KANSL1L: variants seen among roughly 807,000 people sequenced by gnomAD.
KANSL1L encodes the protein KAT8 regulatory NSL complex subunit 1-like protein.
Under a neutral mutation model 108.6 loss-of-function variants are expected in KANSL1L, and 25 were observed. The observed-to-expected ratio is 0.23, with a 90% CI of 0.17 to 0.32. The LOEUF (loss-of-function observed/expected upper bound fraction) is 0.32. KANSL1L is among the 10% of genes least tolerant of loss of function. The probability of loss-of-function intolerance (pLI) is 1.00; values close to 1 mark genes in which losing one functional copy is unlikely to be tolerated. For synonymous variants in KANSL1L, 405 were observed against 395.1 expected (o/e 1.03, Z -0.30); for missense variants, 1,137 against 1,125.7 (o/e 1.01, Z -0.14).
chr2:210,037,258 G>C (rs1449309665), intron 8 of KANSL1L, among the ~76,000 whole-genome samples: 1 of 151,878 alleles, frequency 6.6e-6, no homozygotes, highest in Non-Finnish European at 1.5e-5. Flanking sequence ...TTTTTCAGAT[G>C]GTTATATAAC....
chr2:210,089,918 G>T (rs974962689), intron 5 of KANSL1L, among the ~76,000 whole-genome samples: 1 of 152,128 alleles, frequency 6.6e-6, no homozygotes, highest in Admixed American at 6.5e-5. Flanking sequence ...ACTGTATAAT[G>T]AATGTCTTTA....
chr2:210,075,662 TCA>T lies in KANSL1L; in HGVS notation c.1643_1644del (p.Leu548GlnfsTer63). The T allele has an allele frequency of 6.2e-7, 1 of 1,613,908 alleles. No individual in the cohort carries two copies. Among genetic ancestry groups the T allele is most frequent in the Non-Finnish European group, 8.5e-7 (1 of 1,179,812 alleles). On this transcript the variant is annotated frameshift_variant, in exon 6 of 15. Transcript: ENST00000281772. LOFTEE classifies it high-confidence loss of function. Reference protein sequence around the residue: ...SKKKRKDRTRLKSSSLTFMST... With the variant: ...SKKKRKDRTRXKSSSLTFMST... ...CTCATGAAAGTCAAGGATGAAGATT[TCA>T]GTCTTGTCCTGTCTTTTCTCTTTTT...
At chr2:210,058,928 T>C (rs1453818753) in intron 6 of KANSL1L, among the ~76,000 whole-genome samples, 2 of 151,590 alleles carry the variant, frequency 1.3e-5, no homozygotes, top group Non-Finnish European at 1.5e-5. Flanking sequence ...GACACCCAGC[T>C]TTAAAATTTC....
At position 210,022,620 on chromosome 2, in the gene KANSL1L, A is replaced by ATATATG. The variant is rs940365354; in HGVS notation, c.*328_*329insCATATA. The ATATATG allele has an allele frequency of 1.9e-5, 5 of 269,148 alleles. No individual in the cohort carries two copies. 16.7% of individuals were successfully genotyped at this position (269,148 alleles called of 1,614,324 possible). A position where few individuals can be genotyped will look rare whatever the true frequency, so the allele number is the denominator to read the frequency against. ...CAGGTTTGTATGTATGTGTATATAT[A>ATATATG]TATGTATGTATGTATGGTGTGGGTA... On this transcript the variant is annotated 3_prime_UTR_variant, in exon 15 of 15. Coordinates refer to ENST00000281772, the MANE Select transcript of KANSL1L (RefSeq NM_152519.4).
chr2:210,119,665 T>C (rs1249831631), intron 3 of KANSL1L, among the ~76,000 whole-genome samples: 1 of 152,082 alleles, frequency 6.6e-6, no homozygotes, highest in Non-Finnish European at 1.5e-5. Context: ...CTTCAATAAA[T>C]TGGGTATAAA....
chr2:210,091,583 G>A (rs2094693385), intron 5 of KANSL1L, among the ~76,000 whole-genome samples: 1 of 152,022 alleles, frequency 6.6e-6, no homozygotes, highest in South Asian at 2.1e-4. Context: ...ACTTAATTTA[G>A]GAATAATGAA....
chr2:210,082,558 T>C (rs547469666), intron 5 of KANSL1L, among the ~76,000 whole-genome samples: 122 of 152,278 alleles, frequency 8.0e-4, no homozygotes, highest in Middle Eastern at 3.4e-3. Flanking sequence ...TATGGAAAAA[T>C]AGACGAATAC....
At chr2:210,087,325 T>C (rs965544600) in intron 5 of KANSL1L, among the ~76,000 whole-genome samples, 1 of 152,184 alleles carries the variant, frequency 6.6e-6, no homozygotes, top group African/African-American at 2.4e-5. Flanking sequence ...GGCCATCCTC[T>C]TGTTGCTTTT....
intron 2 of KANSL1L, among the ~76,000 whole-genome samples, chr2:210,147,889 C>G (rs115360970): frequency 6.6e-6 from 1 of 152,092 alleles, no homozygotes; most frequent in African/African-American, 2.4e-5. Context: ...TTTCCATTGG[C>G]AAAGCAGGAA....
rs866334299 is a variant in KANSL1L at position 210,153,844 on chromosome 2, T to C, written c.739A>G (p.Met247Val). The change falls in exon 2 of 15, where the codon ATG becomes GTG. Residue 247 changes from methionine (M) to valine (V), a missense_variant. By Grantham distance (21) the Met-to-Val change is conservative. Coordinates refer to ENST00000281772, the MANE Select transcript of KANSL1L (RefSeq NM_152519.4). Reference protein sequence around the residue: ...QARRTQKHLQMLLAKHVVKHY... With the variant: ...QARRTQKHLQVLLAKHVVKHY... ...TTAACAACATGCTTTGCCAGGAGCA[T>C]CTGCAAATGTTTCTGAGTTCTTCTA... is the stretch of plus-strand genomic sequence containing the variant. 1 of 1,612,440 alleles carries C rather than the reference T, an allele frequency of 6.2e-7. No homozygotes were observed. The highest frequency in any genetic ancestry group is 1.3e-5 in the African/African-American group (1 of 74,806).
At chr2:210,123,694 A>G (rs1387993294) in intron 3 of KANSL1L, among the ~76,000 whole-genome samples, 1 of 152,164 alleles carries the variant, frequency 6.6e-6, no homozygotes, top group African/African-American at 2.4e-5. Context: ...TATAACACAA[A>G]GAAAGAATAA....
chr2:210,026,989 T>C (rs2093947245), intron 12 of KANSL1L, among the ~76,000 whole-genome samples: 1 of 152,184 alleles, frequency 6.6e-6, no homozygotes, highest in Admixed American at 6.5e-5. Flanking sequence ...GCTAGGATGG[T>C]CTCCATCTCC....
At chr2:210,047,934 A>G (rs1051792713) in intron 6 of KANSL1L, among the ~76,000 whole-genome samples, 1 of 152,246 alleles carries the variant, frequency 6.6e-6, no homozygotes, top group Admixed American at 6.5e-5. Flanking sequence ...TGATTCATAC[A>G]TATGATTTGC....
intron 6 of KANSL1L, among the ~76,000 whole-genome samples, chr2:210,049,962 G>T (rs1002975421): frequency 6.6e-6 from 1 of 152,194 alleles, no homozygotes; most frequent in Non-Finnish European, 1.5e-5. Context: ...CTACCAGTTT[G>T]TTGCATGGTG....
rs907763850 is a variant in KANSL1L, at chr2:210,022,616, ATATATATG to A, written c.*325_*332del. ...CACACAGGTTTGTATGTATGTGTAT[ATATATATG>A]TATGTATGTATGGTGTGGGTACATA... On this transcript the variant is annotated 3_prime_UTR_variant, in exon 15 of 15. Transcript: ENST00000281772. 3.9e-6 allele frequency: 1 copy of A among 259,178 alleles called. No individual in the cohort carries two copies. Among genetic ancestry groups the A allele is most frequent in the African/African-American group, 2.3e-5 (1 of 44,224 alleles). 16.1% of individuals were successfully genotyped at this position (259,178 alleles called of 1,614,324 possible).
chr2:210,051,967 CTATTT>C (rs1374359099), intron 6 of KANSL1L, among the ~76,000 whole-genome samples: 1 of 146,926 alleles, frequency 6.8e-6, no homozygotes, highest in Non-Finnish European at 1.5e-5. Flanking sequence ...TTAATTATAG[CTATTT>C]TATTTTAAAT....
intron 2 of KANSL1L, among the ~76,000 whole-genome samples, chr2:210,130,268 G>T (rs2095108439): frequency 6.6e-6 from 1 of 152,120 alleles, no homozygotes; most frequent in African/African-American, 2.4e-5. Flanking sequence ...AGGAACAGGG[G>T]ATATGTGGGA....
At chr2:210,073,774 AACAC>A (rs372708042) in intron 6 of KANSL1L, among the ~76,000 whole-genome samples, 7,746 of 141,890 alleles carry the variant, frequency 0.055, 192 homozygotes, top group African/African-American at 0.064. Context: ...GAAACACACA[AACAC>A]ACACACACAC....
At chr2:210,128,479 T>C (rs1172940376) in intron 3 of KANSL1L, among the ~76,000 whole-genome samples, 1 of 152,200 alleles carries the variant, frequency 6.6e-6, no homozygotes, top group Non-Finnish European at 1.5e-5. Flanking sequence ...GAGAACATTA[T>C]GCTAGTGAAA....
Sources: allele counts gnomAD v4.1 joint callset (sites outside exome capture counted in the v4.1 genomes callset), GRCh38; gene constraint gnomAD v4.1.1; transcripts MANE v1.5; gene names NCBI Gene and HGNC (gene_info 2026-07-23, HGNC 2026-07-21).